The following MTOR variants were observed in gnomAD, a reference collection of about 807,000 sequenced individuals.
MTOR encodes mechanistic target of rapamycin kinase.
Under a neutral mutation model 319.8 loss-of-function variants are expected in MTOR, and 70 were observed. The observed-to-expected ratio is 0.22, with a 90% CI of 0.18 to 0.27. MTOR has a LOEUF of 0.27. Among genes scored for constraint, MTOR ranks in the 10% least tolerant of loss-of-function variants. The pLI, the probability that MTOR is intolerant of heterozygous loss-of-function variation, is 1.00. For missense variants in MTOR, 1,890 were observed against 3,274.4 expected, an observed-to-expected ratio of 0.58 and a Z score of 10.32; for synonymous variants, 1,183 against 1,211.4, an observed-to-expected ratio of 0.98 and a Z score of 0.49.
At chr1:11,162,673 C>T (rs1409612904) in intron 29 of MTOR, among the ~76,000 whole-genome samples, 1 of 152,144 alleles carries the variant, frequency 6.6e-6, no homozygotes, top group Admixed American at 6.5e-5. Context: ...AATTTCATAT[C>T]CAGCCAAACT....
rs761563438 is a variant in MTOR at position 11,243,232 on chromosome 1, C to T, written c.1294G>A (p.Ala432Thr). 1.2e-5 allele frequency: 20 copies of T among 1,614,188 alleles called. No homozygotes were observed. Among genetic ancestry groups the T allele is most frequent in the Admixed American group, 1.7e-5 (1 of 60,030 alleles). The change falls in exon 9 of 58, where the codon GCG becomes ACG. Residue 432 changes from alanine to threonine, a missense_variant. By Grantham distance (58) the Ala-to-Thr change is moderately conservative (BLOSUM62 0). Coordinates refer to ENST00000361445, the MANE Select transcript of MTOR (RefSeq NM_004958.4). The part of the protein sequence containing the change: ...SCVKKEKERT[A>T]AFQALGLLSV... ...AGTAGCCCCAGGGCTTGGAAGGCCGCTGTACGTTCCTTCTCCTTCTTGACA... is the reference window on the plus strand; with the variant it reads ...AGTAGCCCCAGGGCTTGGAAGGCCGTTGTACGTTCCTTCTCCTTCTTGACA...
chr1:11,194,840 G>C, intron 28 of MTOR: 1 of 1,613,660 alleles, frequency 6.2e-7, no homozygotes, highest in Non-Finnish European at 8.5e-7. Context: ...CACTGGGTCT[G>C]TTTCTCATGC....
At chr1:11,260,963 T>C (rs1399180362) in intron 1 of MTOR, among the ~76,000 whole-genome samples, 1 of 151,620 alleles carries the variant, frequency 6.6e-6, no homozygotes, top group African/African-American at 2.4e-5. Flanking sequence ...CTAATTTTTG[T>C]GTGTTTTTAG....
chr1:11,140,855 T>C (rs1219549272), intron 34 of MTOR, among the ~76,000 whole-genome samples: 1 of 152,186 alleles, frequency 6.6e-6, no homozygotes, highest in Non-Finnish European at 1.5e-5. Flanking sequence ...ATTTAAAATG[T>C]ATCATTCAAA....
intron 31 of MTOR, 26 bp downstream of exon 31, chr1:11,150,100 C>T: frequency 6.2e-7 from 1 of 1,605,302 alleles, no homozygotes; most frequent in East Asian, 2.2e-5. Context: ...CCATCCTTCA[C>T]AGGGTGCCTG....
intron 36 of MTOR, 191 bp downstream of exon 36, chr1:11,139,113 C>T (rs1185217900): frequency 1.5e-6 from 1 of 683,916 alleles, no homozygotes; most frequent in African/African-American, 1.8e-5. Context: ...ATGGTATACA[C>T]ACCATCTCCT....
chr1:11,212,965 C>A lies in MTOR; in HGVS notation c.3286-57G>T. On this transcript the variant is annotated intron_variant, in intron 21 of 57. Coordinates refer to ENST00000361445, the MANE Select transcript of MTOR (RefSeq NM_004958.4). The surrounding 1 kb of genome is among the most constrained non-coding windows in gnomAD (Gnocchi z 4.1). ...TAGTCAGGTCCCAAGTATCTAAGGA[C>A]ACGCAGCGGGTGGTGGTGTAGACAA... The A allele has an allele frequency of 7.3e-7, 1 of 1,365,474 alleles. No individual in the cohort carries two copies. The highest frequency in any genetic ancestry group is 1.0e-6 in the Non-Finnish European group (1 of 955,186). 84.6% of individuals were successfully genotyped at this position (1,365,474 alleles called of 1,614,324 possible).
intron 32 of MTOR, chr1:11,145,253 C>G (rs1643893897): frequency 1.7e-6 from 1 of 577,890 alleles, no homozygotes; most frequent in African/African-American, 1.9e-5. Context: ...AAATGTATGG[C>G]ATCCAAAACT....
intron 32 of MTOR, 168 bp from the exon 33 acceptor site, chr1:11,145,213 A>C: frequency 1.6e-6 from 1 of 621,340 alleles, no homozygotes; most frequent in South Asian, 2.0e-5. Context: ...GCTTGAGAGG[A>C]GGTATTATCC....
chr1:11,168,189 A>G (rs1159235205), intron 28 of MTOR, among the ~76,000 whole-genome samples: 1 of 151,782 alleles, frequency 6.6e-6, no homozygotes, highest in African/African-American at 2.4e-5. Context: ...TGTAGTACAC[A>G]ATCATATGAG....
intron 36 of MTOR, among the ~76,000 whole-genome samples, 155 bp from the exon 37 acceptor site, chr1:11,134,621 C>T (rs1643318634): frequency 6.6e-6 from 1 of 152,136 alleles, no homozygotes; most frequent in African/African-American, 2.4e-5. Flanking sequence ...AGGACCAGGG[C>T]GTGATACTGG....
chr1:11,232,560 G>C lies in MTOR; in HGVS notation c.2422-32C>G, dbSNP rs760138083. On this transcript the variant is annotated intron_variant, in intron 15 of 57. Coordinates refer to ENST00000361445, the MANE Select transcript of MTOR (RefSeq NM_004958.4). ...AATGAAAAAGAGGGTGGCAGAAAGG[G>C]TTAGAAATTCTGGCATTAGAAAGTA... 3.2e-6 allele frequency: 5 copies of C among 1,582,820 alleles called. No individual in the cohort carries two copies. In the Admixed American group the frequency reaches 6.7e-5, roughly 21 times the overall value.
chr1:11,230,121 TAAA>T (rs35067541), intron 18 of MTOR, among the ~76,000 whole-genome samples: 5 of 144,762 alleles, frequency 3.5e-5, no homozygotes, highest in Non-Finnish European at 3.0e-5. Flanking sequence ...AACAAACCTT[TAAA>T]AAAAAAAAAA....
chr1:11,145,528 G>A (rs1643901790), intron 32 of MTOR, among the ~76,000 whole-genome samples: 2 of 151,828 alleles, frequency 1.3e-5, no homozygotes, highest in Non-Finnish European at 2.9e-5. Flanking sequence ...GGGGTTACAG[G>A]CGCCCGCCAC....
chr1:11,241,729 A>C, intron 9 of MTOR, 48 bp from the exon 10 acceptor site: 1 of 1,579,868 alleles, frequency 6.3e-7, no homozygotes. Context: ...GACATTCTTT[A>C]ATGTCCCACC....
At chr1:11,226,165 T>TA (rs1646828975) in intron 19 of MTOR, 1 of 152,174 alleles carries the variant, frequency 6.6e-6, no homozygotes, top group Admixed American at 6.6e-5. Context: ...ATATGACTAT[T>TA]ACAGACTAAA....
At chr1:11,149,807 G>A (rs1304827030) in intron 31 of MTOR, among the ~76,000 whole-genome samples, 3 of 152,128 alleles carry the variant, frequency 2.0e-5, no homozygotes, top group African/African-American at 7.2e-5. Context: ...CTTGGTGTAT[G>A]GGGAAAAGCA....
At chr1:11,138,571 G>T (rs899167057) in intron 36 of MTOR, among the ~76,000 whole-genome samples, 2 of 152,200 alleles carry the variant, frequency 1.3e-5, no homozygotes, top group Non-Finnish European at 2.9e-5. Context: ...AGAGGCTCCA[G>T]TGGCTGGGTT....
intron 29 of MTOR, among the ~76,000 whole-genome samples, chr1:11,158,113 T>A (rs1203439040): frequency 6.6e-6 from 1 of 152,180 alleles, no homozygotes; most frequent in Non-Finnish European, 1.5e-5. Flanking sequence ...GACTGTTTTA[T>A]ATGCTTTCTG....
Sources: gnomAD v4.1 joint callset for allele counts (sites outside exome capture counted in the v4.1 genomes callset) on GRCh38, gnomAD v4.1.1 for gene constraint, Gnocchi (gnomAD v3.1) non-coding constraint, MANE v1.5 for transcripts, NCBI Gene and HGNC (gene_info 2026-07-23, HGNC 2026-07-21) for gene names.